Variants in NRG1 observed in about 807,000 individuals in gnomAD.
NRG1 encodes pro-neuregulin-1, membrane-bound isoform.
A neutral mutation model predicts 63.8 loss-of-function variants in NRG1; 18 were observed. The observed-to-expected ratio is 0.28, with a 90% confidence interval of 0.19 to 0.42. The LOEUF (loss-of-function observed/expected upper bound fraction) is 0.42, where lower values mean the gene tolerates loss of function less well. NRG1 is among the 10% of genes least tolerant of loss of function. NRG1 has a pLI of 1.00. For synonymous variants in NRG1, 302 were observed against 301.3 expected (o/e 1.00, Z -0.02); for missense variants, 762 against 814.7 (o/e 0.94, Z 0.79).
At chr8:32,651,328 A>G (rs1192032653) in intron 5 of NRG1, among the ~76,000 whole-genome samples, 2 of 152,180 alleles carry the variant, frequency 1.3e-5, no homozygotes, top group Non-Finnish European at 2.9e-5. Flanking sequence ...GTATTTCTAA[A>G]TATGGTTAAT....
chr8:32,552,210 C>CTTTTTTTTTTTT (rs35243877), intron 1 of NRG1, among the ~76,000 whole-genome samples: 1 of 124,766 alleles, frequency 8.0e-6, no homozygotes, highest in Non-Finnish European at 1.7e-5. Flanking sequence ...CGCTTGGCCG[C>CTTTTTTTTTTTT]TTTTTTTTTT....
intron 5 of NRG1, among the ~76,000 whole-genome samples, chr8:32,628,634 T>C (rs955511639): frequency 6.6e-6 from 1 of 152,068 alleles, no homozygotes; most frequent in Admixed American, 6.6e-5. Flanking sequence ...AGGACTGATA[T>C]TTAAACTCAT....
intron 1 of NRG1, among the ~76,000 whole-genome samples, chr8:31,731,373 A>G (rs1487380703): frequency 1.3e-5 from 2 of 151,834 alleles, no homozygotes; most frequent in African/African-American, 4.8e-5. Context: ...ATATAGGAAA[A>G]TCCTTGAGGT....
In NRG1 at chr8:32,338,506, C is replaced by T. The variant is rs940240969; in HGVS notation, c.38-257322C>T. On this transcript the variant is annotated intron_variant, in intron 1 of 10. Transcript: ENST00000519301. ...TGTGAAAGCCTTCAAAATGTCTGTA[C>T]GCTAGGAGAATGGTGAAAAACAAGC... Among the ~76,000 whole-genome samples, 4 of 152,114 alleles carry T rather than the reference C, an allele frequency of 2.6e-5. No homozygotes were observed. In the East Asian group the frequency reaches 5.8e-4, roughly 22 times the overall value.
At chr8:32,479,876 CT>C (rs757848281) in intron 1 of NRG1, among the ~76,000 whole-genome samples, 2 of 152,074 alleles carry the variant, frequency 1.3e-5, no homozygotes, top group Non-Finnish European at 2.9e-5. Flanking sequence ...TCTCAATCTC[CT>C]GACCTTGTGA....
chr8:32,094,813 G>A (rs1829674211), intron 1 of NRG1, among the ~76,000 whole-genome samples: 1 of 147,318 alleles, frequency 6.8e-6, no homozygotes, highest in African/African-American at 2.6e-5. Flanking sequence ...ATCGTTTCTG[G>A]CACCAACCCA....
In NRG1 at chr8:32,742,653, G is replaced by GA. The variant is rs773359938; in HGVS notation, c.633-22_633-21insA. The GA allele has an allele frequency of 1.4e-5, 22 of 1,606,148 alleles. No individual in the cohort carries two copies. The highest frequency in any genetic ancestry group is 1.8e-5 in the Non-Finnish European group (21 of 1,173,370). ...TCTTTTTCTCTGTTTTTCTACCATT[G>GA]TTTTTTTGTTTCTTCTCTCAGGTGC... On this transcript the variant is annotated intron_variant, in intron 6 of 11. Coordinates refer to ENST00000356819, the Ensembl canonical transcript of NRG1. The surrounding 1 kb of genome is among the most constrained non-coding windows in gnomAD (Gnocchi z 4.2).
chr8:32,356,474 A>ACCCC (rs11426642), intron 1 of NRG1, among the ~76,000 whole-genome samples: 17 of 69,312 alleles, frequency 2.5e-4, no homozygotes, highest in South Asian at 5.4e-4. Context: ...CCTTGTTGGG[A>ACCCC]CCCCCCCCCC....
intron 1 of NRG1, among the ~76,000 whole-genome samples, chr8:32,403,460 A>G (rs759190530): frequency 6.6e-6 from 1 of 152,142 alleles, no homozygotes. Flanking sequence ...TGACTCTCAA[A>G]AAGCTTAAGA....
chr8:31,999,718 G>T (rs1411955165), intron 1 of NRG1, among the ~76,000 whole-genome samples: 1 of 151,892 alleles, frequency 6.6e-6, no homozygotes, highest in Non-Finnish European at 1.5e-5. Context: ...AAATGAACAG[G>T]ATAGTCTCTC....
intron 1 of NRG1, among the ~76,000 whole-genome samples, chr8:32,317,592 T>C (rs909946776): frequency 6.6e-6 from 1 of 152,198 alleles, no homozygotes; most frequent in Non-Finnish European, 1.5e-5. Flanking sequence ...ATCCAGTTGC[T>C]CCTAATATTA....
At chr8:32,619,239 A>G (rs910518326) in intron 5 of NRG1, among the ~76,000 whole-genome samples, 1 of 152,106 alleles carries the variant, frequency 6.6e-6, no homozygotes, top group Non-Finnish European at 1.5e-5. Flanking sequence ...ACAAACAAAC[A>G]AAAAAACATC....
At chr8:31,883,900 A>C (rs893072419) in intron 1 of NRG1, among the ~76,000 whole-genome samples, 4 of 152,074 alleles carry the variant, frequency 2.6e-5, no homozygotes, top group Non-Finnish European at 5.9e-5. Flanking sequence ...ACATCTTAGC[A>C]TCTTTGGTTG....
chr8:31,718,721 A>T (rs1015510009), intron 1 of NRG1, among the ~76,000 whole-genome samples: 5 of 152,240 alleles, frequency 3.3e-5, no homozygotes, highest in African/African-American at 1.2e-4. Flanking sequence ...GAATACTCTC[A>T]AATGATTATT....
At chr8:31,766,545 A>G (rs1818082801) in intron 1 of NRG1, among the ~76,000 whole-genome samples, 1 of 152,200 alleles carries the variant, frequency 6.6e-6, no homozygotes, top group African/African-American at 2.4e-5. Flanking sequence ...AGTAGAGTCA[A>G]TTTCTGAAAA....
intron 1 of NRG1, among the ~76,000 whole-genome samples, chr8:31,850,975 C>T (rs1827156724): frequency 6.6e-6 from 1 of 152,178 alleles, no homozygotes; most frequent in Non-Finnish European, 1.5e-5. Flanking sequence ...CAACTTTCTC[C>T]TCTCTTGGTT....
intron 5 of NRG1, among the ~76,000 whole-genome samples, chr8:32,692,495 G>A (rs1338015388): frequency 3.3e-5 from 5 of 152,304 alleles, no homozygotes; most frequent in Middle Eastern, 3.4e-3. Context: ...TCTAAGGAGG[G>A]AAAGATGGTA....
intron 1 of NRG1, among the ~76,000 whole-genome samples, chr8:32,491,627 C>G (rs904733847): frequency 5.3e-5 from 8 of 151,806 alleles, no homozygotes; most frequent in Non-Finnish European, 1.0e-4. Context: ...GAATGGCTCC[C>G]CAGGCTCTAG....
chr8:32,428,609 G>A (rs559653778), intron 1 of NRG1, among the ~76,000 whole-genome samples: 1 of 152,312 alleles, frequency 6.6e-6, no homozygotes, highest in East Asian at 1.9e-4. Flanking sequence ...AGGCTGCTCA[G>A]TTAGCTGCTG....
Sources: gnomAD v4.1 joint callset for allele counts (sites outside exome capture counted in the v4.1 genomes callset) on GRCh38, gnomAD v4.1.1 for gene constraint, Gnocchi (gnomAD v3.1) non-coding constraint, MANE v1.5 for transcripts, NCBI Gene and HGNC (gene_info 2026-07-23, HGNC 2026-07-21) for gene names.